UMAD1: variants seen among roughly 807,000 people sequenced by gnomAD.
The protein encoded by UMAD1 is UBAP1-MVB12-associated (UMA) domain containing 1.
A neutral mutation model predicts 6.1 loss-of-function variants in UMAD1; 8 were observed. The ratio of observed to expected loss-of-function variants is 1.30; its 90% CI spans 0.76 to 2.35. The LOEUF (loss-of-function observed/expected upper bound fraction) is 2.35, where lower values mean the gene tolerates loss of function less well. Ranked by LOEUF, UMAD1 falls within the 30% of genes most tolerant of loss-of-function variation. The probability of loss-of-function intolerance (pLI) is 0.00; values close to 1 mark genes in which losing one functional copy is unlikely to be tolerated. For missense variants in UMAD1, 130 were observed against 78.4 expected (o/e 1.66, Z -2.49); for synonymous variants, 56 against 31.4 (o/e 1.78, Z -2.61).
chr7:7,849,395 A>T (rs1372800537), intron 3 of UMAD1, among the ~76,000 whole-genome samples: 2 of 152,204 alleles, frequency 1.3e-5, no homozygotes, highest in Non-Finnish European at 2.9e-5. Context: ...TGTGTCCTGC[A>T]GTTCAACACA....
chr7:7,754,677 C>T (rs1317007706), intron 2 of UMAD1, among the ~76,000 whole-genome samples: 1 of 152,128 alleles, frequency 6.6e-6, no homozygotes, highest in African/African-American at 2.4e-5. Flanking sequence ...AATTTTAATT[C>T]AGTTTACATT....
intron 2 of UMAD1, among the ~76,000 whole-genome samples, chr7:7,726,846 G>A (rs1781147750): frequency 6.6e-6 from 1 of 152,164 alleles, no homozygotes; most frequent in African/African-American, 2.4e-5. Context: ...AGTGTTGGCT[G>A]GGGTGATTGA....
chr7:7,752,799 T>C (rs1781703264), intron 2 of UMAD1, among the ~76,000 whole-genome samples: 1 of 152,142 alleles, frequency 6.6e-6, no homozygotes. Flanking sequence ...TTCATGATGT[T>C]TATTTTCAGC....
rs139624715 is a variant in UMAD1 at position 7,810,251 on chromosome 7, G to T, written c.156+8508G>T. Among the ~76,000 whole-genome samples the T allele has an allele frequency of 5.5e-3, 840 of 152,146 alleles. 9 individuals are homozygous for T. Among genetic ancestry groups the T allele is most frequent in the African/African-American group, 0.019 (806 of 41,542 alleles). ...TACAAATATAATGGATATTGCTATTGAAGGCAGTTTAAATTGGTACAACTA... is the reference window on the plus strand; with the variant it reads ...TACAAATATAATGGATATTGCTATTTAAGGCAGTTTAAATTGGTACAACTA... On this transcript the variant is annotated intron_variant, in intron 3 of 3. Transcript: ENST00000682710.
At chr7:7,860,604 C>CAA (rs373823869) in intron 3 of UMAD1, among the ~76,000 whole-genome samples, 46 of 93,844 alleles carry the variant, frequency 4.9e-4, no homozygotes, top group African/African-American at 1.7e-3. Context: ...ACTAAAAATA[C>CAA]AAAAAAAAAA....
At chr7:7,697,770 C>T (rs1037993773) in intron 2 of UMAD1, among the ~76,000 whole-genome samples, 18 of 152,096 alleles carry the variant, frequency 1.2e-4, no homozygotes, top group African/African-American at 3.4e-4. Flanking sequence ...GTATTTTTTC[C>T]TTGTCATTAT....
chr7:7,770,775 T>C (rs1782084857), intron 2 of UMAD1, among the ~76,000 whole-genome samples: 1 of 151,884 alleles, frequency 6.6e-6, no homozygotes, highest in African/African-American at 2.4e-5. Flanking sequence ...GAGGAGCAGG[T>C]TTTATGGAGA....
intron 3 of UMAD1, chr7:7,868,424 TC>T (rs1784274636): frequency 6.6e-6 from 1 of 152,078 alleles, no homozygotes; most frequent in African/African-American, 2.4e-5. Flanking sequence ...CCTGCTTACT[TC>T]CCCTTCTGCA....
intron 2 of UMAD1, among the ~76,000 whole-genome samples, chr7:7,770,090 G>A (rs374012855): frequency 4.6e-5 from 7 of 152,046 alleles, no homozygotes; most frequent in African/African-American, 1.7e-4. Flanking sequence ...AACTGGAACC[G>A]CTGTTCTCAG....
intron 2 of UMAD1, among the ~76,000 whole-genome samples, chr7:7,698,877 T>G (rs1335134819): frequency 1.3e-5 from 2 of 151,452 alleles, no homozygotes; most frequent in Non-Finnish European, 2.9e-5. Context: ...TGTCTTTTTT[T>G]TTTTTTTTTT....
At chr7:7,701,530 G>C (rs1020744151) in intron 2 of UMAD1, among the ~76,000 whole-genome samples, 2 of 152,164 alleles carry the variant, frequency 1.3e-5, no homozygotes, top group African/African-American at 2.4e-5. Flanking sequence ...TTGTGAAGAT[G>C]AGAGATGTAT....
At chr7:7,858,570 A>G (rs1784061497) in intron 3 of UMAD1, among the ~76,000 whole-genome samples, 1 of 152,364 alleles carries the variant, frequency 6.6e-6, no homozygotes, top group Admixed American at 6.5e-5. Flanking sequence ...TTGACTACCT[A>G]GAAACTTTGG....
chr7:7,850,493 T>A (rs1456561455), intron 3 of UMAD1, among the ~76,000 whole-genome samples: 2 of 152,126 alleles, frequency 1.3e-5, no homozygotes, highest in South Asian at 4.1e-4. Flanking sequence ...ATGTCTTTTA[T>A]TGATCACAAT....
At chr7:7,733,306 C>T (rs1000713982) in intron 2 of UMAD1, among the ~76,000 whole-genome samples, 1 of 151,992 alleles carries the variant, frequency 6.6e-6, no homozygotes, top group African/African-American at 2.4e-5. Context: ...TGCCCTGAAG[C>T]CTGACATTTT....
At chr7:7,774,826 G>A (rs1320384561) in intron 2 of UMAD1, among the ~76,000 whole-genome samples, 1 of 152,126 alleles carries the variant, frequency 6.6e-6, no homozygotes, top group African/African-American at 2.4e-5. Context: ...TTGCCAGGAA[G>A]GTTGAGCAAA....
At chr7:7,718,395 GA>G (rs1201701463) in intron 2 of UMAD1, 2 of 152,198 alleles carry the variant, frequency 1.3e-5, no homozygotes, top group Non-Finnish European at 2.9e-5. Flanking sequence ...TGGAACAAAT[GA>G]ATAAGAACGG....
chr7:7,829,100 TTC>T (rs1359723229), intron 3 of UMAD1, among the ~76,000 whole-genome samples: 7 of 152,176 alleles, frequency 4.6e-5, no homozygotes, highest in African/African-American at 1.4e-4. Context: ...CTTGTCAATG[TTC>T]TTTTTCTAGC....
At chr7:7,765,647 G>A (rs1781970326) in intron 2 of UMAD1, among the ~76,000 whole-genome samples, 1 of 152,064 alleles carries the variant, frequency 6.6e-6, no homozygotes, top group Non-Finnish European at 1.5e-5. Context: ...ATGAGGTGTG[G>A]TCTTTGGCCT....
intron 2 of UMAD1, among the ~76,000 whole-genome samples, chr7:7,729,453 C>T (rs1781205345): frequency 6.6e-6 from 1 of 152,184 alleles, no homozygotes; most frequent in African/African-American, 2.4e-5. Context: ...CATTCTGTCA[C>T]ACACGTGGTA....
Sources: allele counts gnomAD v4.1 joint callset (sites outside exome capture counted in the v4.1 genomes callset), GRCh38; gene constraint gnomAD v4.1.1; transcripts MANE v1.5; gene names NCBI Gene and HGNC (gene_info 2026-07-23, HGNC 2026-07-21).